The following TTK variants were observed in gnomAD, a reference collection of about 807,000 sequenced individuals.
TTK encodes TTK protein kinase, also known as dual specificity protein kinase TTK.
A neutral mutation model predicts 117.3 loss-of-function variants in TTK; 59 were observed. That is an observed-to-expected ratio of 0.50 (90% CI 0.41 to 0.62). The LOEUF (loss-of-function observed/expected upper bound fraction) is 0.62, where lower values mean the gene tolerates loss of function less well. Ranked by LOEUF, TTK falls within the 20% of genes least tolerant of loss-of-function variation. The probability of loss-of-function intolerance (pLI) is 0.00; values close to 1 mark genes in which losing one functional copy is unlikely to be tolerated. For missense variants in TTK, 921 were observed against 989.4 expected (o/e 0.93, Z 0.93); for synonymous variants, 302 against 325.0 (o/e 0.93, Z 0.76).
chr6:80,006,079 T>A, intron 2 of TTK, 97 bp downstream of exon 2: 1 of 1,472,714 alleles, frequency 6.8e-7, no homozygotes, highest in South Asian at 1.2e-5. Flanking sequence ...TTTACTCATG[T>A]GTTTATTGTC....
rs577345971 is a variant in TTK, at chr6:80,028,758, T to C, written c.1521+747T>C. Among the ~76,000 whole-genome samples, 5 of 152,310 alleles carry C rather than the reference T, an allele frequency of 3.3e-5. No homozygotes were observed. In the South Asian group the frequency reaches 1.0e-3, roughly 32 times the overall value. ...GTACTGCTAGAATGTATTATACTAA[T>C]AACTAAACTAAGAGGAAAGATTTTT... On this transcript the variant is annotated intron_variant, in intron 13 of 21. Coordinates refer to ENST00000369798, the MANE Select transcript of TTK (RefSeq NM_003318.5).
chr6:80,019,690 G>T (rs752959723), intron 10 of TTK, among the ~76,000 whole-genome samples: 3 of 152,142 alleles, frequency 2.0e-5, no homozygotes, highest in Non-Finnish European at 4.4e-5. Context: ...CGATAACTCA[G>T]AAGATTGAGC....
intron 13 of TTK, among the ~76,000 whole-genome samples, chr6:80,030,045 T>C (rs116912724): frequency 9.2e-5 from 14 of 152,284 alleles, no homozygotes; most frequent in Non-Finnish European, 1.8e-4. Flanking sequence ...ACAGGAAATA[T>C]ATATAGACAA....
intron 1 of TTK, among the ~76,000 whole-genome samples, chr6:80,005,405 T>A (rs1175459221): frequency 6.6e-6 from 1 of 152,180 alleles, no homozygotes; most frequent in Non-Finnish European, 1.5e-5. Flanking sequence ...TTGAAAGCAC[T>A]TGCACTGGAA....
intron 9 of TTK, 68 bp downstream of exon 9, chr6:80,013,434 C>T: frequency 1.6e-6 from 2 of 1,289,506 alleles, no homozygotes; most frequent in Non-Finnish European, 2.2e-6. Context: ...ATTCATGGAG[C>T]TTTTTCTGGG....
At chr6:80,036,013 T>A (rs1767897813) in intron 16 of TTK, among the ~76,000 whole-genome samples, 1 of 152,130 alleles carries the variant, frequency 6.6e-6, no homozygotes, top group Non-Finnish European at 1.5e-5. Flanking sequence ...GTGATCAAGA[T>A]CAGGGCTATA....
At chr6:80,036,716 G>A in intron 17 of TTK, 117 bp downstream of exon 17, 4 of 1,143,076 alleles carry the variant, frequency 3.5e-6, no homozygotes, top group Non-Finnish European at 4.7e-6. Context: ...AGGATTTGAA[G>A]TCTTTTAATA....
At position 80,027,941 on chromosome 6, in the gene TTK, C is replaced by T. The variant is rs757305495; in HGVS notation, c.1451C>T (p.Pro484Leu). The change falls in exon 13 of 22, where the codon CCT becomes CTT. Residue 484 changes from proline to leucine, a missense_variant. Coordinates refer to ENST00000369798, the MANE Select transcript of TTK (RefSeq NM_003318.5). ...DFPPACQLST[P>L]YGQPACFQQQ... ...CCACCTGCTTGTCAGTTGTCAACAC[C>T]TTATGGCCAACCTGCCTGTTTCCAG... is the stretch of plus-strand genomic sequence containing the variant. 3.7e-6 allele frequency: 6 copies of T among 1,608,690 alleles called. No individual in the cohort carries two copies. Among genetic ancestry groups the T allele is most frequent in the Middle Eastern group, 1.7e-4 (1 of 6,060 alleles).
intron 8 of TTK, 51 bp from the exon 9 acceptor site, chr6:80,013,228 A>ATT: frequency 1.4e-6 from 2 of 1,394,188 alleles, no homozygotes; most frequent in Non-Finnish European, 2.0e-6. Context: ...TACATTGAAA[A>ATT]TTTTTTTTTT....
At chr6:80,033,502 GT>G (rs1249685677) in intron 14 of TTK, among the ~76,000 whole-genome samples, 1 of 152,104 alleles carries the variant, frequency 6.6e-6, no homozygotes, top group African/African-American at 2.4e-5. Flanking sequence ...AGATAGGGAT[GT>G]TTTTCTGATT....
At chr6:80,006,433 A>G (rs1328903155) in intron 2 of TTK, among the ~76,000 whole-genome samples, 1 of 152,208 alleles carries the variant, frequency 6.6e-6, no homozygotes, top group Non-Finnish European at 1.5e-5. Flanking sequence ...GAAAAAACCT[A>G]GAAAATGATA....
At chr6:80,035,219 T>G in intron 15 of TTK, 47 bp from the exon 16 acceptor site, 1 of 1,545,206 alleles carries the variant, frequency 6.5e-7, no homozygotes, top group South Asian at 1.3e-5. Context: ...AACTTTAATA[T>G]AACCTAGCCA....
Position 80,022,458 on chromosome 6 carries a change from A to G in TTK, c.1243A>G (p.Lys415Glu). ...CTGGCAGATTCCGGAGTTAGCCCGA[A>G]AAGTTAATACAGAGGTAACTTTTCC... ...NHWQIPELAR[K>E]VNTEQKHTTF... is the part of the protein sequence containing the mutation. The change falls in exon 11 of 22, where the codon AAA becomes GAA. Residue 415 changes from lysine to glutamate, a missense_variant. By Grantham distance (56) the Lys-to-Glu change is moderately conservative. Transcript: ENST00000369798. 6.2e-7 allele frequency: 1 copy of G among 1,613,786 alleles called. No individual in the cohort carries two copies.
At chr6:80,007,317 G>T (rs1767019812) in intron 2 of TTK, among the ~76,000 whole-genome samples, 1 of 152,122 alleles carries the variant, frequency 6.6e-6, no homozygotes, top group South Asian at 2.1e-4. Flanking sequence ...TAAGTATGAG[G>T]TATACAGAGA....
At chr6:80,005,470 G>C (rs893354761) in intron 1 of TTK, among the ~76,000 whole-genome samples, 15 of 152,166 alleles carry the variant, frequency 9.9e-5, no homozygotes, top group African/African-American at 3.6e-4. Context: ...ATTGCCAAAC[G>C]AATTCTTTAT....
rs760389560 is a variant in TTK, at chr6:80,026,406, T to C, written c.1286T>C (p.Val429Ala). Residue 429 changes from valine (V) to alanine (A), a missense_variant, in exon 12 of 22, where the codon GTC becomes GCC. Val to Ala is a moderately conservative substitution (Grantham distance 64). Coordinates refer to ENST00000369798, the MANE Select transcript of TTK (RefSeq NM_003318.5). ...AAACATACCACTTTTGAGCAACCTGTCTTTTCAGTTTCAAAACAGTCACCA... is the reference window on the plus strand; with the variant it reads ...AAACATACCACTTTTGAGCAACCTGCCTTTTCAGTTTCAAAACAGTCACCA... ...EQKHTTFEQP[V>A]FSVSKQSPPI... The C allele has an allele frequency of 6.2e-7, 1 of 1,613,558 alleles. No homozygotes were observed. Among genetic ancestry groups the C allele is most frequent in the African/African-American group, 1.3e-5 (1 of 75,040 alleles).
chr6:80,040,105 T>C (rs1162780489), intron 19 of TTK, 91 bp from the exon 20 acceptor site: 2 of 1,109,544 alleles, frequency 1.8e-6, no homozygotes, highest in African/African-American at 3.3e-5. Context: ...AAGTAACTTT[T>C]ATAATATAAT....
At chr6:80,005,815 G>T in intron 1 of TTK, 27 bp from the exon 2 acceptor site, 1 of 1,609,298 alleles carries the variant, frequency 6.2e-7, no homozygotes. Flanking sequence ...TAAAGTAGGA[G>T]TTATGACTGT....
chr6:80,026,033 A>AT (rs1429352411), intron 11 of TTK, among the ~76,000 whole-genome samples: 1 of 152,072 alleles, frequency 6.6e-6, no homozygotes, highest in Non-Finnish European at 1.5e-5. Flanking sequence ...AGAAAGGCTG[A>AT]TTTTCAGAAA....
Sources: gnomAD v4.1 joint callset for allele counts (sites outside exome capture counted in the v4.1 genomes callset) on GRCh38, gnomAD v4.1.1 for gene constraint, MANE v1.5 for transcripts, NCBI Gene and HGNC (gene_info 2026-07-23, HGNC 2026-07-21) for gene names.